Variants in DIAPH3 observed in about 807,000 individuals in gnomAD.
DIAPH3 encodes protein diaphanous homolog 3.
Under a neutral mutation model 144.3 loss-of-function variants are expected in DIAPH3, and 117 were observed. That is an observed-to-expected ratio of 0.81 (90% CI 0.70 to 0.95). DIAPH3 has a LOEUF of 0.95. Among genes scored for constraint, DIAPH3 ranks in the 40% least tolerant of loss-of-function variants. DIAPH3 has a pLI of 0.00. For synonymous variants in DIAPH3, 519 were observed against 488.9 expected, an observed-to-expected ratio of 1.06 and a Z score of -0.81; for missense variants, 1,421 against 1,412.7, an observed-to-expected ratio of 1.01 and a Z score of -0.09.
chr13:59,947,411 A>G (rs2048854585), intron 17 of DIAPH3, among the ~76,000 whole-genome samples: 2 of 152,236 alleles, frequency 1.3e-5, no homozygotes, highest in African/African-American at 4.8e-5. Flanking sequence ...TTTGAAATAA[A>G]CCAATGAAAA....
chr13:60,085,852 C>A (rs1335423645), intron 4 of DIAPH3, among the ~76,000 whole-genome samples: 1 of 151,920 alleles, frequency 6.6e-6, no homozygotes, highest in Non-Finnish European at 1.5e-5. Context: ...TAATTATATT[C>A]ACAAAAATCT....
intron 4 of DIAPH3, among the ~76,000 whole-genome samples, chr13:60,084,352 T>C (rs1243017367): frequency 6.6e-6 from 1 of 152,038 alleles, no homozygotes; most frequent in East Asian, 1.9e-4. Context: ...TTTTTTTCTT[T>C]TCTAAAACCC....
intron 27 of DIAPH3, among the ~76,000 whole-genome samples, chr13:59,708,176 C>G (rs1455619960): frequency 6.6e-6 from 1 of 151,962 alleles, no homozygotes; most frequent in Non-Finnish European, 1.5e-5. Flanking sequence ...GATCCTCCTG[C>G]CTCAGCCTCC....
intron 23 of DIAPH3, 123 bp downstream of exon 23, chr13:59,839,201 T>A: frequency 8.2e-7 from 1 of 1,226,554 alleles, no homozygotes; most frequent in Non-Finnish European, 1.2e-6. Flanking sequence ...AAGGCAAAGG[T>A]TAAACTTTCT....
intron 27 of DIAPH3, among the ~76,000 whole-genome samples, chr13:59,671,266 C>T (rs758014240): frequency 1.1e-4 from 16 of 152,174 alleles, no homozygotes; most frequent in Non-Finnish European, 2.1e-4. Context: ...TAGGCCAATT[C>T]TTTTCATATG....
intron 17 of DIAPH3, among the ~76,000 whole-genome samples, chr13:59,932,513 AT>A (rs1260395334): frequency 6.6e-6 from 1 of 152,176 alleles, no homozygotes; most frequent in Non-Finnish European, 1.5e-5. Flanking sequence ...TTCACTATCT[AT>A]GAAGTATGTT....
At chr13:60,047,562 G>T (rs2056135811) in intron 4 of DIAPH3, among the ~76,000 whole-genome samples, 1 of 152,066 alleles carries the variant, frequency 6.6e-6, no homozygotes, top group Non-Finnish European at 1.5e-5. Context: ...ATGATTCAAT[G>T]GGGGGAAGAA....
chr13:60,017,068 TTA>T (rs1294331807), intron 5 of DIAPH3, among the ~76,000 whole-genome samples: 1 of 152,186 alleles, frequency 6.6e-6, no homozygotes, highest in African/African-American at 2.4e-5. Context: ...ATATGTGATT[TTA>T]TATATGTGTA....
At chr13:59,745,015 T>C (rs576177698) in intron 27 of DIAPH3, among the ~76,000 whole-genome samples, 1 of 152,270 alleles carries the variant, frequency 6.6e-6, no homozygotes, top group East Asian at 1.9e-4. Context: ...TGGATAACCT[T>C]AAGACTTGGA....
chr13:60,020,541 C>G (rs1411042394), intron 5 of DIAPH3, among the ~76,000 whole-genome samples: 1 of 152,060 alleles, frequency 6.6e-6, no homozygotes, highest in Non-Finnish European at 1.5e-5. Flanking sequence ...CTAATTTTAA[C>G]TTTTGTAGAG....
At chr13:59,978,378 A>G (rs2050792789) in intron 14 of DIAPH3, among the ~76,000 whole-genome samples, 1 of 151,690 alleles carries the variant, frequency 6.6e-6, no homozygotes, top group African/African-American at 2.4e-5. Context: ...AAGAAAAAAA[A>G]TTACGTTCTT....
At chr13:59,818,831 T>C (rs1273174976) in intron 24 of DIAPH3, among the ~76,000 whole-genome samples, 1 of 151,892 alleles carries the variant, frequency 6.6e-6, no homozygotes, top group African/African-American at 2.4e-5. Context: ...CTTTAATCCA[T>C]TGAATGTTAA....
intron 21 of DIAPH3, among the ~76,000 whole-genome samples, chr13:59,872,247 G>A (rs897597912): frequency 1.1e-4 from 17 of 151,752 alleles, no homozygotes; most frequent in African/African-American, 3.4e-4. Flanking sequence ...TTATTGCATC[G>A]AACAAAACTT....
chr13:60,112,088 T>TA lies in DIAPH3; in HGVS notation c.311_312insT (p.Ala105SerfsTer17), dbSNP rs1263923274. 6.2e-7 allele frequency: 1 copy of TA among 1,614,006 alleles called. No homozygotes were observed. The highest frequency in any genetic ancestry group is 8.5e-7 in the Non-Finnish European group (1 of 1,179,970). ...AGTTCTCCATCATCTCTAAAGGTGC[T>TA]GCTGAGCAATCACTGCTTGCAAATG... is the stretch of plus-strand genomic sequence containing the variant. On this transcript the variant is annotated frameshift_variant, in exon 3 of 28. Coordinates refer to ENST00000400324, the MANE Select transcript of DIAPH3 (RefSeq NM_001042517.2). LOFTEE classifies it high-confidence loss of function.
rs867967059 is a variant in DIAPH3, at chr13:59,987,415, T to G, written c.1362-3528A>C. Reference sequence around the variant, plus strand: ...GGGTGCAGCGCACCAGCATGGCACATGTATACATATGTAACTAACCTGCAC... The same window carrying G: ...GGGTGCAGCGCACCAGCATGGCACAGGTATACATATGTAACTAACCTGCAC... On this transcript the variant is annotated intron_variant, in intron 12 of 27. Coordinates refer to ENST00000400324, the MANE Select transcript of DIAPH3 (RefSeq NM_001042517.2). Among the ~76,000 whole-genome samples the G allele has an allele frequency of 4.2e-5, 6 of 143,588 alleles. 1 individual carries two copies. In the South Asian group the frequency reaches 1.3e-3, roughly 31 times the overall value. 94.2% of individuals were successfully genotyped at this position (143,588 alleles called of 152,430 possible).
chr13:60,163,558 GC>G, intron 1 of DIAPH3, 28 bp downstream of exon 1: 1 of 1,567,364 alleles, frequency 6.4e-7, no homozygotes, highest in Non-Finnish European at 8.7e-7. Context: ...GGCGGGAGCG[GC>G]CCCACCCTAG....
intron 5 of DIAPH3, among the ~76,000 whole-genome samples, chr13:60,030,705 A>G (rs1255185632): frequency 6.6e-6 from 1 of 152,172 alleles, no homozygotes; most frequent in African/African-American, 2.4e-5. Flanking sequence ...ACAAGTGCAC[A>G]AGAAATGTTT....
chr13:59,980,280 A>C (rs1291830962), intron 14 of DIAPH3, among the ~76,000 whole-genome samples: 1 of 151,594 alleles, frequency 6.6e-6, no homozygotes, highest in Admixed American at 6.6e-5. Flanking sequence ...TCAAAACTAA[A>C]AGCAAGTTAA....
chr13:60,052,780 G>C (rs1343048548), intron 4 of DIAPH3, among the ~76,000 whole-genome samples: 1 of 151,636 alleles, frequency 6.6e-6, no homozygotes, highest in Non-Finnish European at 1.5e-5. Context: ...GGCCAACATA[G>C]TGAAACCCCG....
Sources: gnomAD v4.1 joint callset for allele counts (sites outside exome capture counted in the v4.1 genomes callset) on GRCh38, gnomAD v4.1.1 for gene constraint, MANE v1.5 for transcripts, NCBI Gene and HGNC (gene_info 2026-07-23, HGNC 2026-07-21) for gene names.